ACOX3: variants seen among roughly 807,000 people sequenced by gnomAD.
The protein encoded by ACOX3 is acyl-CoA oxidase 3, pristanoyl.
Under a neutral mutation model 81.5 loss-of-function variants are expected in ACOX3, and 73 were observed. The ratio of observed to expected loss-of-function variants is 0.90; its 90% confidence interval spans 0.74 to 1.09. The LOEUF (loss-of-function observed/expected upper bound fraction) is 1.09, where lower values mean the gene tolerates loss of function less well. ACOX3 is among the 50% of genes least tolerant of loss of function. The pLI is 0.00. For synonymous variants in ACOX3, 387 were observed against 375.1 expected (o/e 1.03, Z -0.37); for missense variants, 947 against 928.0 (o/e 1.02, Z -0.27).
At chr4:8,369,839 G>A (rs529498143) in intron 17 of ACOX3, among the ~76,000 whole-genome samples, 46 of 152,344 alleles carry the variant, frequency 3.0e-4, no homozygotes, top group African/African-American at 1.1e-3. Flanking sequence ...CGGGGCCAGG[G>A]GGCAGGGATG....
rs564770416 is a variant in ACOX3 at position 8,414,678 on chromosome 4, G to A, written c.453+176C>T. Among the ~76,000 whole-genome samples, 2 of 152,338 alleles carry A rather than the reference G, an allele frequency of 1.3e-5. No homozygotes were observed. The highest frequency in any genetic ancestry group is 4.8e-5 in the African/African-American group (2 of 41,570). Reference sequence around the variant, plus strand: ...TCACCTGGTGCTAGGAAGTCAATGTGCCTGTGTTTGCTAAAGAACAGTGCT... The same window carrying A: ...TCACCTGGTGCTAGGAAGTCAATGTACCTGTGTTTGCTAAAGAACAGTGCT... On this transcript the variant is annotated intron_variant, in intron 4 of 17. Coordinates refer to ENST00000356406, the MANE Select transcript of ACOX3 (RefSeq NM_003501.3). The surrounding 1 kb of genome is among the most constrained non-coding windows in gnomAD (Gnocchi z 6.1).
intron 11 of ACOX3, among the ~76,000 whole-genome samples, chr4:8,391,859 C>A (rs368824101): frequency 6.6e-6 from 1 of 152,190 alleles, no homozygotes; most frequent in Non-Finnish European, 1.5e-5. Flanking sequence ...TCATCAATGC[C>A]GATATAACTA....
chr4:8,357,529 T>C, the ACOX3 span: 2 of 297,072 alleles, frequency 6.7e-6, no homozygotes, highest in Non-Finnish European at 1.3e-5. Flanking sequence ...ACGTTAGTTT[T>C]ACAATCAGAA....
In ACOX3 at chr4:8,380,863, C is replaced by G. The variant is rs3796745; in HGVS notation, c.1653+629G>C. On this transcript the variant is annotated intron_variant, in intron 14 of 17. Coordinates refer to ENST00000356406, the MANE Select transcript of ACOX3 (RefSeq NM_003501.3). ...GCACCCACAGACACATCCGGGAGCC[C>G]TACTGCCCCCACCGGCTGCCCCCTA... is the stretch of plus-strand genomic sequence containing the variant. 6.6e-5 allele frequency among the ~76,000 whole-genome samples: 10 copies of G among 152,260 alleles called. No homozygotes were observed. The East Asian group carries it at 1.9e-3, about 29-fold the overall frequency.
In ACOX3 at chr4:8,385,555, C is replaced by T. The variant is rs965658218; in HGVS notation, c.1537+3618G>A. Among the ~76,000 whole-genome samples the T allele has an allele frequency of 2.6e-5, 4 of 152,234 alleles. No individual in the cohort carries two copies. Among genetic ancestry groups the T allele is most frequent in the African/African-American group, 4.8e-5 (2 of 41,460 alleles). ...CACTGCAGGAAGCAACAGCACAGGC[C>T]CCCAAGGCACAGGGCTGTGACACTC... On this transcript the variant is annotated intron_variant, in intron 13 of 17. Transcript: ENST00000356406. The surrounding 1 kb of genome is among the most constrained non-coding windows in gnomAD (Gnocchi z 5.5).
At position 8,405,910 on chromosome 4, in the gene ACOX3, G is replaced by A. The variant is rs1306413274; in HGVS notation, c.776+45C>T. On this transcript the variant is annotated intron_variant, in intron 7 of 17. Coordinates refer to ENST00000356406, the MANE Select transcript of ACOX3 (RefSeq NM_003501.3). The surrounding 1 kb of genome is among the most constrained non-coding windows in gnomAD (Gnocchi z 7.1). ...TCAGACATGAGCGACAACGCAGCCTGGGCCTTGGCAGGAAGCTCAGGGCTC... is the reference window on the plus strand; with the variant it reads ...TCAGACATGAGCGACAACGCAGCCTAGGCCTTGGCAGGAAGCTCAGGGCTC... 2 of 1,569,588 alleles carry A rather than the reference G, an allele frequency of 1.3e-6. No homozygotes were observed. Among genetic ancestry groups the A allele is most frequent in the African/African-American group, 1.4e-5 (1 of 73,916 alleles).
rs1163257955 is a variant in ACOX3, at chr4:8,382,712, G to A, written c.1538-1105C>T. Among the ~76,000 whole-genome samples, 1 of 152,216 alleles carries A rather than the reference G, an allele frequency of 6.6e-6. No homozygotes were observed. Among genetic ancestry groups the A allele is most frequent in the Non-Finnish European group, 1.5e-5 (1 of 68,032 alleles). ...CACTGGGAAGAAAATACCCAACGTT[G>A]CTGGGCGCAGTGGCTCACACCTGTA... is the stretch of plus-strand genomic sequence containing the variant. On this transcript the variant is annotated intron_variant, in intron 13 of 17. Coordinates refer to ENST00000356406, the MANE Select transcript of ACOX3 (RefSeq NM_003501.3). This position sits in a 1 kb window ranked among gnomAD's most constrained non-coding sequence, Gnocchi z 4.1.
At chr4:8,434,634 A>T (rs1323902263) in intron 1 of ACOX3, among the ~76,000 whole-genome samples, 1 of 152,266 alleles carries the variant, frequency 6.6e-6, no homozygotes, top group Non-Finnish European at 1.5e-5. Flanking sequence ...TTAAGTCTGG[A>T]CATTTGAAAC....
chr4:8,385,774 A>T lies in ACOX3; in HGVS notation c.1537+3399T>A, dbSNP rs187407201. On this transcript the variant is annotated intron_variant, in intron 13 of 17. Coordinates refer to ENST00000356406, the MANE Select transcript of ACOX3 (RefSeq NM_003501.3). This position sits in a 1 kb window ranked among gnomAD's most constrained non-coding sequence, Gnocchi z 5.5. ...GTCCTGCAGAGCCTGAGGGCCCCAC[A>T]TCACTTAAACAGCTTTTACCAAAGA... 6.6e-6 allele frequency among the ~76,000 whole-genome samples: 1 copy of T among 152,328 alleles called. No individual in the cohort carries two copies. The highest frequency in any genetic ancestry group is 1.9e-4 in the East Asian group (1 of 5,182).
At chr4:8,412,047 C>G (rs1446645378) in intron 5 of ACOX3, among the ~76,000 whole-genome samples, 1 of 152,210 alleles carries the variant, frequency 6.6e-6, no homozygotes. Context: ...CCAAGGCTAC[C>G]TGGGTGCTGT....
intron 16 of ACOX3, among the ~76,000 whole-genome samples, chr4:8,371,212 A>T (rs1716149907): frequency 6.6e-6 from 1 of 152,068 alleles, no homozygotes; most frequent in African/African-American, 2.4e-5. Context: ...TTCACTCAGG[A>T]CTTCTAGGGC....
the ACOX3 span, among the ~76,000 whole-genome samples, chr4:8,359,361 C>T: frequency 6.6e-6 from 1 of 151,932 alleles, no homozygotes; most frequent in Non-Finnish European, 1.5e-5. The surrounding 1 kb of genome is among the most constrained non-coding windows in gnomAD (Gnocchi z 6.0). Context: ...GGTTAGAGGC[C>T]CCTCTTAAGG....
rs914703479 is a variant in ACOX3, at chr4:8,414,285, T to A, written c.543+7A>T. On this transcript the variant is annotated splice_region_variant and intron_variant, in intron 5 of 17. Transcript: ENST00000356406. The surrounding 1 kb of genome is among the most constrained non-coding windows in gnomAD (Gnocchi z 6.1). ...AACTCAGGGACCCGGGGGAAGGTAA[T>A]ACCTACCTCAGTGGCAGGATCGTAG... is the stretch of plus-strand genomic sequence containing the variant. 3.7e-6 allele frequency: 6 copies of A among 1,610,894 alleles called. No individual in the cohort carries two copies. The highest frequency in any genetic ancestry group is 1.7e-4 in the Middle Eastern group (1 of 6,054).
chr4:8,371,552 T>TA (rs1435236972), intron 16 of ACOX3, among the ~76,000 whole-genome samples: 8 of 152,160 alleles, frequency 5.3e-5, no homozygotes, highest in African/African-American at 1.9e-4. Flanking sequence ...AAATTATCCT[T>TA]AAAATATGAT....
intron 8 of ACOX3, 64 bp from the exon 9 acceptor site, chr4:8,397,183 TCA>T: frequency 6.9e-7 from 1 of 1,441,186 alleles, no homozygotes; most frequent in Non-Finnish European, 9.2e-7. Context: ...GCAGAGTGGC[TCA>T]GAGGCGAAGG....
chr4:8,360,491 A>G, the ACOX3 span, among the ~76,000 whole-genome samples: 3 of 121,482 alleles, frequency 2.5e-5, no homozygotes, highest in African/African-American at 9.5e-5. Flanking sequence ...TTTTTTTTTG[A>G]GACAGAGTTT....
chr4:8,434,097 G>C (rs1724094042), intron 1 of ACOX3, among the ~76,000 whole-genome samples: 1 of 152,128 alleles, frequency 6.6e-6, no homozygotes, highest in South Asian at 2.1e-4. Flanking sequence ...TAAACTACTT[G>C]TGTTATCTTT....
rs569165497 is a variant in ACOX3, at chr4:8,373,526, T to C, written c.1896+35A>G. 5 of 1,609,956 alleles carry C rather than the reference T, an allele frequency of 3.1e-6. No homozygotes were observed. The East Asian group carries it at 6.7e-5, about 22-fold the overall frequency. ...TGTCGCTCTGGGCGGTTGTGTAACA[T>C]GGATGTAGAGAACGCGACAGCACCC... On this transcript the variant is annotated intron_variant, in intron 16 of 17. Transcript: ENST00000356406.
Position 8,419,133 on chromosome 4 carries a change from T to A in ACOX3, c.-14-2598A>T, listed in dbSNP as rs972218891. Among the ~76,000 whole-genome samples the A allele has an allele frequency of 6.6e-6, 1 of 151,938 alleles. No individual in the cohort carries two copies. Among genetic ancestry groups the A allele is most frequent in the South Asian group, 2.1e-4 (1 of 4,824 alleles). On this transcript the variant is annotated intron_variant, in intron 1 of 17. Coordinates refer to ENST00000356406, the MANE Select transcript of ACOX3 (RefSeq NM_003501.3). This position sits in a 1 kb window ranked among gnomAD's most constrained non-coding sequence, Gnocchi z 4.2. ...CTGGGTGATACAGCAAGACCTTATC[T>A]CTTAAAGAACCAGATAAATAGGCCA...
Sources: gnomAD v4.1 joint callset for allele counts (sites outside exome capture counted in the v4.1 genomes callset) on GRCh38, gnomAD v4.1.1 for gene constraint, Gnocchi (gnomAD v3.1) non-coding constraint, MANE v1.5 for transcripts, NCBI Gene and HGNC (gene_info 2026-07-23, HGNC 2026-07-21) for gene names.